The following MATN2 variants were observed in gnomAD, a reference collection of about 807,000 sequenced individuals.
MATN2 encodes the protein matrilin 2, also known as matrilin-2.
MATN2 carries 69 observed loss-of-function variants against 103.2 expected under a neutral mutation model. That is an observed-to-expected ratio of 0.67 (90% CI 0.55 to 0.82). The LOEUF (loss-of-function observed/expected upper bound fraction) is 0.82, where lower values mean the gene tolerates loss of function less well. Among genes scored for constraint, MATN2 ranks in the 40% least tolerant of loss-of-function variants. The pLI is 0.00. For missense variants in MATN2, 1,023 were observed against 1,211.5 expected, an observed-to-expected ratio of 0.84 and a Z score of 2.31; for synonymous variants, 429 against 450.2, an observed-to-expected ratio of 0.95 and a Z score of 0.60.
At chr8:97,994,235 G>C (rs1366528978) in intron 6 of MATN2, among the ~76,000 whole-genome samples, 1 of 143,522 alleles carries the variant, frequency 7.0e-6, no homozygotes, top group Non-Finnish European at 1.5e-5. Flanking sequence ...AGGAGAAGGG[G>C]GAGGAAGGGA....
chr8:98,031,965 C>T, intron 15 of MATN2: 1 of 239,006 alleles, frequency 4.2e-6, no homozygotes. Flanking sequence ...ACAACTTCAC[C>T]TTTTTTTTCT....
intron 3 of MATN2, among the ~76,000 whole-genome samples, chr8:97,940,617 T>C (rs1413836902): frequency 6.6e-6 from 1 of 152,234 alleles, no homozygotes; most frequent in Non-Finnish European, 1.5e-5. Context: ...AATGGAATTG[T>C]TCTAAGCTTT....
chr8:97,966,334 T>A (rs923939263), intron 5 of MATN2, among the ~76,000 whole-genome samples: 1 of 151,804 alleles, frequency 6.6e-6, no homozygotes, highest in African/African-American at 2.4e-5. Flanking sequence ...GGTGGGAGGA[T>A]TGCTTGAGAC....
intron 3 of MATN2, among the ~76,000 whole-genome samples, chr8:97,941,190 GAAA>G (rs1810552706): frequency 9.0e-6 from 1 of 110,516 alleles, no homozygotes; most frequent in African/African-American, 3.3e-5. Flanking sequence ...AAAAAAGAAA[GAAA>G]GAAAGAAAAG....
chr8:97,920,065 G>A (rs77681987), intron 2 of MATN2, among the ~76,000 whole-genome samples: 2,092 of 152,302 alleles, frequency 0.014, 49 homozygotes, highest in African/African-American at 0.046. Flanking sequence ...GGTGGCTGGT[G>A]GAGAAGGCTG....
intron 2 of MATN2, among the ~76,000 whole-genome samples, chr8:97,921,069 C>G (rs1809791818): frequency 6.6e-6 from 1 of 152,180 alleles, no homozygotes; most frequent in Admixed American, 6.5e-5. Flanking sequence ...ACATTTTTAC[C>G]AATTACACTT....
intron 2 of MATN2, among the ~76,000 whole-genome samples, chr8:97,926,499 C>T (rs929276396): frequency 5.3e-5 from 8 of 152,170 alleles, no homozygotes; most frequent in Non-Finnish European, 7.4e-5. Context: ...TGCCATGAGA[C>T]GATGGAAAGG....
intron 1 of MATN2, among the ~76,000 whole-genome samples, chr8:97,873,833 G>A (rs748376648): frequency 7.9e-5 from 12 of 151,740 alleles, no homozygotes; most frequent in African/African-American, 2.9e-4. Flanking sequence ...TCGCCATGTT[G>A]TCCAGGCTGG....
chr8:98,025,912 T>C (rs12549967), intron 13 of MATN2, among the ~76,000 whole-genome samples: 16,977 of 152,124 alleles, frequency 0.11, 1,229 homozygotes, highest in Middle Eastern at 0.17. Context: ...GTACAGTGGC[T>C]CATGCCTGTA....
chr8:97,871,797 A>G (rs1275269067), intron 1 of MATN2, among the ~76,000 whole-genome samples: 1 of 152,192 alleles, frequency 6.6e-6, no homozygotes, highest in Non-Finnish European at 1.5e-5. Context: ...GGGGGCTCAG[A>G]TGGAATGGCA....
Position 97,888,136 on chromosome 8 carries a change from C to T in MATN2, c.36C>T (p.Ile12=). 6.2e-7 allele frequency: 1 copy of T among 1,609,860 alleles called. No individual in the cohort carries two copies. The highest frequency in any genetic ancestry group is 8.5e-7 in the Non-Finnish European group (1 of 1,178,292). ...TGCTCGCAGGCTGCTTTCTGCTGATCCTCGGACAGATCGTCCTCCTCCCTG... is the reference window on the plus strand; with the variant it reads ...TGCTCGCAGGCTGCTTTCTGCTGATTCTCGGACAGATCGTCCTCCTCCCTG... The part of the protein sequence containing the change: ...EKMLAGCFLL[I]LGQIVLLPAE... The change falls in exon 2 of 19, where the codon ATC becomes ATT. Residue 12 remains isoleucine, a synonymous_variant. Coordinates refer to ENST00000254898, the MANE Select transcript of MATN2 (RefSeq NM_002380.5).
At chr8:97,884,881 G>A (rs577871576) in intron 1 of MATN2, among the ~76,000 whole-genome samples, 2 of 152,312 alleles carry the variant, frequency 1.3e-5, no homozygotes, top group African/African-American at 4.8e-5. Context: ...CATATGAACC[G>A]ATTGATTCTA....
intron 2 of MATN2, among the ~76,000 whole-genome samples, chr8:97,904,206 G>A (rs1208454411): frequency 1.3e-5 from 2 of 152,164 alleles, no homozygotes; most frequent in African/African-American, 4.8e-5. Flanking sequence ...TGGCAAATTT[G>A]TTCATAAAAC....
intron 7 of MATN2, among the ~76,000 whole-genome samples, chr8:97,996,492 G>A (rs889001785): frequency 6.6e-6 from 1 of 152,154 alleles, no homozygotes; most frequent in African/African-American, 2.4e-5. Context: ...TATTCAGTGG[G>A]TATAGCCCCT....
intron 5 of MATN2, among the ~76,000 whole-genome samples, chr8:97,967,042 C>A (rs1423654999): frequency 2.6e-5 from 4 of 152,146 alleles, no homozygotes; most frequent in Admixed American, 1.3e-4. Flanking sequence ...ATGGTGAGAG[C>A]AGGAGCAAGA....
chr8:98,008,078 G>A (rs1028623511), intron 10 of MATN2, among the ~76,000 whole-genome samples: 3 of 152,178 alleles, frequency 2.0e-5, no homozygotes, highest in African/African-American at 7.2e-5. Flanking sequence ...TCTGCTGGCT[G>A]TGATTCCAAA....
intron 14 of MATN2, among the ~76,000 whole-genome samples, chr8:98,028,593 CTT>C (rs201005613): frequency 6.8e-6 from 1 of 146,734 alleles, no homozygotes. Flanking sequence ...TTGAAAACTG[CTT>C]TTTTTTTTTG....
rs1586151050 is a variant in MATN2, at chr8:98,007,652, G to A, written c.1573+51G>A. ...CCTGCACAGGTGTTCCGTGGGTGCC[G>A]GTGTGGGTGCGCTGCCGACGTGTAT... is the stretch of plus-strand genomic sequence containing the variant. On this transcript the variant is annotated intron_variant, in intron 10 of 18. Transcript: ENST00000254898. This position sits in a 1 kb window ranked among gnomAD's most constrained non-coding sequence, Gnocchi z 4.2. 8.2e-6 allele frequency: 13 copies of A among 1,575,922 alleles called. No individual in the cohort carries two copies. In the Middle Eastern group the frequency reaches 8.9e-4, roughly 107 times the overall value.
At position 97,871,117 on chromosome 8, in the gene MATN2, A is replaced by G. The variant is rs117403708; in HGVS notation, c.-27+1830A>G. 1.7e-3 allele frequency among the ~76,000 whole-genome samples: 259 copies of G among 152,280 alleles called. 8 individuals are homozygous for G. In the East Asian group the frequency reaches 0.04, roughly 23 times the overall value. On this transcript the variant is annotated intron_variant, in intron 1 of 18. Transcript: ENST00000254898. ...CACCCTCGAGCAGCTGTCATGCCCT[A>G]AGCTCTTATCAGCGAGTGCCATATG...
Sources: allele counts gnomAD v4.1 joint callset (sites outside exome capture counted in the v4.1 genomes callset), GRCh38; gene constraint gnomAD v4.1.1; non-coding constraint Gnocchi (gnomAD v3.1); transcripts MANE v1.5; gene names NCBI Gene and HGNC (gene_info 2026-07-23, HGNC 2026-07-21).